KCND2: variants seen among roughly 807,000 people sequenced by gnomAD.
KCND2 encodes A-type voltage-gated potassium channel KCND2.
KCND2 carries 16 observed loss-of-function variants against 54.4 expected under a neutral mutation model. The ratio of observed to expected loss-of-function variants is 0.29; its 90% confidence interval spans 0.20 to 0.45. The LOEUF (loss-of-function observed/expected upper bound fraction) is 0.45, where lower values mean the gene tolerates loss of function less well. Ranked by LOEUF, KCND2 falls within the 20% of genes least tolerant of loss-of-function variation. KCND2 has a pLI of 1.00. For synonymous variants in KCND2, 317 were observed against 310.7 expected, an observed-to-expected ratio of 1.02 and a Z score of -0.21; for missense variants, 486 against 824.2, an observed-to-expected ratio of 0.59 and a Z score of 5.02.
At chr7:120,610,076 A>G (rs1231618549) in intron 1 of KCND2, among the ~76,000 whole-genome samples, 3 of 152,164 alleles carry the variant, frequency 2.0e-5, no homozygotes, top group African/African-American at 2.4e-5. Flanking sequence ...GTGTTATCAC[A>G]TATGTTATTA....
rs562228021 is a variant in KCND2, at chr7:120,654,805, T to C, written c.1116-78098T>C. Among the ~76,000 whole-genome samples, 8 of 152,252 alleles carry C rather than the reference T, an allele frequency of 5.3e-5. No individual in the cohort carries two copies. The South Asian group carries it at 1.7e-3, about 32-fold the overall frequency. ...GTGGATGGAGATATAGATATTTAGATATAAATATAAACACAGCTATGGATA... is the reference window on the plus strand; with the variant it reads ...GTGGATGGAGATATAGATATTTAGACATAAATATAAACACAGCTATGGATA... On this transcript the variant is annotated intron_variant, in intron 1 of 5. Transcript: ENST00000331113.
chr7:120,347,366 T>G (rs1800335145), intron 1 of KCND2, among the ~76,000 whole-genome samples: 1 of 151,810 alleles, frequency 6.6e-6, no homozygotes, highest in Non-Finnish European at 1.5e-5. Context: ...AACTTCTGCA[T>G]CTGGGCATGC....
chr7:120,637,311 C>T (rs751531535), intron 1 of KCND2, among the ~76,000 whole-genome samples: 6 of 152,030 alleles, frequency 3.9e-5, no homozygotes, highest in Non-Finnish European at 7.4e-5. Flanking sequence ...TTAAGTCCCT[C>T]CTTTGCTTCT....
At chr7:120,351,408 A>ACTCTCTCTCT (rs1205455713) in intron 1 of KCND2, among the ~76,000 whole-genome samples, 1 of 90,244 alleles carries the variant, frequency 1.1e-5, no homozygotes, top group African/African-American at 3.8e-5. Context: ...ACACACACAC[A>ACTCTCTCTCT]CACACTCTCT....
At position 120,400,796 on chromosome 7, in the gene KCND2, C is replaced by T. The variant is rs571003000; in HGVS notation, c.1115+125049C>T. Among the ~76,000 whole-genome samples the T allele has an allele frequency of 2.0e-4, 30 of 152,144 alleles. No homozygotes were observed. The East Asian group carries it at 5.4e-3, about 28-fold the overall frequency. On this transcript the variant is annotated intron_variant, in intron 1 of 5. Coordinates refer to ENST00000331113, the MANE Select transcript of KCND2 (RefSeq NM_012281.3). ...ATCTAACAAGGACACCAGTGTTTCT[C>T]ATTTGGAGCAAAGATCACTCTTTAA... is the stretch of plus-strand genomic sequence containing the variant.
At chr7:120,401,635 T>C (rs925894889) in intron 1 of KCND2, among the ~76,000 whole-genome samples, 1 of 152,142 alleles carries the variant, frequency 6.6e-6, no homozygotes, top group African/African-American at 2.4e-5. Context: ...ACTGTGTTTA[T>C]AAGGCGTCAG....
chr7:120,571,420 G>A (rs1311722484), intron 1 of KCND2, among the ~76,000 whole-genome samples: 1 of 152,172 alleles, frequency 6.6e-6, no homozygotes, highest in Non-Finnish European at 1.5e-5. Context: ...CTTCCACATA[G>A]CAATGATTCA....
intron 1 of KCND2, among the ~76,000 whole-genome samples, chr7:120,408,072 T>A (rs2116099454): frequency 6.6e-6 from 1 of 151,968 alleles, no homozygotes; most frequent in African/African-American, 2.4e-5. Context: ...CTGAGTCAGG[T>A]AAAATGGAGA....
At chr7:120,515,671 T>A (rs1373056621) in intron 1 of KCND2, among the ~76,000 whole-genome samples, 1 of 152,090 alleles carries the variant, frequency 6.6e-6, no homozygotes, top group Admixed American at 6.6e-5. Flanking sequence ...AAAAGAGGCA[T>A]CCCAGCTGGC....
intron 1 of KCND2, among the ~76,000 whole-genome samples, chr7:120,396,220 A>G (rs894126503): frequency 2.6e-5 from 4 of 152,018 alleles, no homozygotes; most frequent in Non-Finnish European, 5.9e-5. Flanking sequence ...ACCTAAACAT[A>G]TATCCTGTGT....
At chr7:120,555,370 T>C (rs1007873963) in intron 1 of KCND2, among the ~76,000 whole-genome samples, 1 of 152,190 alleles carries the variant, frequency 6.6e-6, no homozygotes, top group African/African-American at 2.4e-5. Context: ...CTGAGGCTAG[T>C]CTTGAACTCC....
chr7:120,494,692 A>G (rs948527733), intron 1 of KCND2, among the ~76,000 whole-genome samples: 4 of 152,178 alleles, frequency 2.6e-5, no homozygotes, highest in Non-Finnish European at 5.9e-5. Context: ...ATGGCTGGAG[A>G]TATATTCTAA....
chr7:120,478,596 C>CTT (rs944373516), intron 1 of KCND2, among the ~76,000 whole-genome samples: 2 of 151,906 alleles, frequency 1.3e-5, no homozygotes, highest in Non-Finnish European at 2.9e-5. Flanking sequence ...AAATGAAGAA[C>CTT]TTTTTTAAAG....
intron 1 of KCND2, among the ~76,000 whole-genome samples, chr7:120,339,401 T>G (rs1161070701): frequency 6.6e-6 from 1 of 152,128 alleles, no homozygotes; most frequent in African/African-American, 2.4e-5. Context: ...CCTCACAAAT[T>G]TGAGAGCTTA....
intron 1 of KCND2, among the ~76,000 whole-genome samples, chr7:120,533,297 G>A (rs907605158): frequency 3.3e-5 from 5 of 151,938 alleles, no homozygotes; most frequent in South Asian, 2.1e-4. Context: ...ACCTTTTGCC[G>A]AACTTGTAAT....
chr7:120,512,772 T>C (rs1803138402), intron 1 of KCND2, among the ~76,000 whole-genome samples: 1 of 151,670 alleles, frequency 6.6e-6, no homozygotes, highest in Non-Finnish European at 1.5e-5. Context: ...AGAATTATAG[T>C]TTTAGGATGC....
intron 1 of KCND2, among the ~76,000 whole-genome samples, chr7:120,422,686 G>A (rs553441295): frequency 1.3e-5 from 2 of 152,016 alleles, no homozygotes; most frequent in Admixed American, 6.6e-5. Context: ...CCTCCACCTC[G>A]CTCTGCTTTC....
intron 1 of KCND2, among the ~76,000 whole-genome samples, chr7:120,572,379 G>T (rs1792376774): frequency 6.6e-6 from 1 of 152,036 alleles, no homozygotes; most frequent in South Asian, 2.1e-4. Context: ...CAATGCAGAG[G>T]TGTATGGTTT....
intron 1 of KCND2, among the ~76,000 whole-genome samples, chr7:120,338,236 C>A (rs1800179336): frequency 6.6e-6 from 1 of 151,982 alleles, no homozygotes; most frequent in Non-Finnish European, 1.5e-5. Context: ...TATGAAAAAC[C>A]TTTACAATTC....
Sources: allele counts gnomAD v4.1 joint callset (sites outside exome capture counted in the v4.1 genomes callset), GRCh38; gene constraint gnomAD v4.1.1; transcripts MANE v1.5; gene names NCBI Gene and HGNC (gene_info 2026-07-23, HGNC 2026-07-21).